The following GALNT13 variants were observed in gnomAD, a reference collection of about 807,000 sequenced individuals.
The protein encoded by GALNT13 is polypeptide N-acetylgalactosaminyltransferase 13.
GALNT13 carries 28 observed loss-of-function variants against 64.2 expected under a neutral mutation model. The ratio of observed to expected loss-of-function variants is 0.44; its 90% CI spans 0.32 to 0.60. The LOEUF (loss-of-function observed/expected upper bound fraction) is 0.60, where lower values mean the gene tolerates loss of function less well. Ranked by LOEUF, GALNT13 falls within the 20% of genes least tolerant of loss-of-function variation. The pLI is 0.05. For missense variants in GALNT13, 577 were observed against 669.8 expected (o/e 0.86, Z 1.53); for synonymous variants, 214 against 224.6 (o/e 0.95, Z 0.42).
chr2:153,955,296 C>G (rs1365813078), intron 3 of GALNT13, among the ~76,000 whole-genome samples: 1 of 152,006 alleles, frequency 6.6e-6, no homozygotes, highest in Non-Finnish European at 1.5e-5. Flanking sequence ...TAATAAATTA[C>G]AAAACAGAAA....
At chr2:154,381,362 G>A (rs1270800299) in intron 9 of GALNT13, among the ~76,000 whole-genome samples, 1 of 151,990 alleles carries the variant, frequency 6.6e-6, no homozygotes, top group Admixed American at 6.6e-5. Context: ...TTTCCTCAGA[G>A]AAGACTTCCC....
the GALNT13 span, among the ~76,000 whole-genome samples, chr2:153,164,530 A>G: frequency 6.6e-6 from 1 of 152,176 alleles, no homozygotes; most frequent in Non-Finnish European, 1.5e-5. Context: ...AAAAATTTTC[A>G]TGTTTAATGT....
the GALNT13 span, among the ~76,000 whole-genome samples, chr2:153,716,088 T>C: frequency 6.6e-6 from 1 of 152,156 alleles, no homozygotes; most frequent in African/African-American, 2.4e-5. Flanking sequence ...AAACCTTGCT[T>C]GTCTGAGTAT....
chr2:153,181,923 T>C, the GALNT13 span, among the ~76,000 whole-genome samples: 1 of 148,916 alleles, frequency 6.7e-6, no homozygotes, highest in East Asian at 1.9e-4. Context: ...TATAAAGCAA[T>C]CAAAACAATA....
chr2:153,863,098 C>T, the GALNT13 span, among the ~76,000 whole-genome samples: 1 of 152,166 alleles, frequency 6.6e-6, no homozygotes, highest in African/African-American at 2.4e-5. Flanking sequence ...CCACTTAATA[C>T]CTTCTACTTC....
chr2:153,188,039 TAATAA>T, the GALNT13 span, among the ~76,000 whole-genome samples: 2 of 151,994 alleles, frequency 1.3e-5, no homozygotes, highest in Non-Finnish European at 2.9e-5. Flanking sequence ...ACCAAAATGG[TAATAA>T]AATAAAACTT....
the GALNT13 span, among the ~76,000 whole-genome samples, chr2:153,603,469 T>G: frequency 6.6e-6 from 1 of 151,920 alleles, no homozygotes; most frequent in Non-Finnish European, 1.5e-5. Context: ...TATCATTTGG[T>G]TTGGAAACAA....
chr2:153,946,232 T>C (rs1367196794), intron 3 of GALNT13, among the ~76,000 whole-genome samples: 1 of 152,124 alleles, frequency 6.6e-6, no homozygotes, highest in Admixed American at 6.6e-5. Context: ...ACAAAAAATG[T>C]AATAATCTGA....
intron 10 of GALNT13, among the ~76,000 whole-genome samples, chr2:154,400,325 A>G (rs1353907607): frequency 2.0e-5 from 3 of 152,192 alleles, no homozygotes; most frequent in Non-Finnish European, 4.4e-5. Context: ...ATTTCTTTGC[A>G]GTATATTCAT....
At chr2:154,107,130 C>CTGAT (rs1702663125) in intron 3 of GALNT13, among the ~76,000 whole-genome samples, 1 of 152,184 alleles carries the variant, frequency 6.6e-6, no homozygotes, top group South Asian at 2.1e-4. Flanking sequence ...CAGCCTAAGG[C>CTGAT]ATCACCATAA....
the GALNT13 span, among the ~76,000 whole-genome samples, chr2:153,650,659 G>T: frequency 6.6e-6 from 1 of 152,052 alleles, no homozygotes; most frequent in Non-Finnish European, 1.5e-5. Context: ...GGGCAGGCCT[G>T]GTGGTGACAA....
At chr2:153,851,469 G>A in the GALNT13 span, among the ~76,000 whole-genome samples, 1 of 151,954 alleles carries the variant, frequency 6.6e-6, no homozygotes, top group Non-Finnish European at 1.5e-5. Context: ...GGGAGGCTAA[G>A]GTTGAAGGAT....
At chr2:153,717,966 T>A in the GALNT13 span, among the ~76,000 whole-genome samples, 1 of 152,102 alleles carries the variant, frequency 6.6e-6, no homozygotes, top group Non-Finnish European at 1.5e-5. Flanking sequence ...AATTAGTTTT[T>A]TTTTTTATTC....
chr2:154,006,081 T>G (rs1360063368), intron 3 of GALNT13, among the ~76,000 whole-genome samples: 3 of 152,212 alleles, frequency 2.0e-5, no homozygotes, highest in Non-Finnish European at 4.4e-5. Flanking sequence ...TAAAGAGAAC[T>G]TCTAGGGTGC....
Position 153,931,078 on chromosome 2 carries a change from TG to T in GALNT13, c.-104-13315del. Among the ~76,000 whole-genome samples, 2 of 150,084 alleles carry T rather than the reference TG, an allele frequency of 1.3e-5. 1 individual carries two copies. Among genetic ancestry groups the T allele is most frequent in the South Asian group, 4.2e-4 (2 of 4,758 alleles). Reference sequence around the variant, plus strand: ...TGCTGTATTCCTAAGTGTGTGTGTGTGTGTGTGTGTGTGTGTGTGTGTGTGT... The same window carrying T: ...TGCTGTATTCCTAAGTGTGTGTGTGTTGTGTGTGTGTGTGTGTGTGTGTGT... On this transcript the variant is annotated intron_variant, in intron 2 of 12. Coordinates refer to ENST00000392825, the MANE Select transcript of GALNT13 (RefSeq NM_052917.4).
chr2:153,999,669 C>T (rs578070221), intron 3 of GALNT13, among the ~76,000 whole-genome samples: 1 of 152,180 alleles, frequency 6.6e-6, no homozygotes, highest in South Asian at 2.1e-4. Context: ...ATGAATCCCA[C>T]TTAATCGTGG....
At chr2:153,946,183 C>G (rs530572676) in intron 3 of GALNT13, among the ~76,000 whole-genome samples, 11 of 152,088 alleles carry the variant, frequency 7.2e-5, no homozygotes, top group Non-Finnish European at 1.5e-4. Flanking sequence ...AATGATCACT[C>G]TGTCATTTGT....
the GALNT13 span, among the ~76,000 whole-genome samples, chr2:153,482,430 G>T: frequency 3.3e-5 from 5 of 152,134 alleles, no homozygotes; most frequent in African/African-American, 7.2e-5. Flanking sequence ...CAATCCTGTT[G>T]TCTTTACTTA....
chr2:154,301,479 C>T lies in GALNT13; in HGVS notation c.1046C>T (p.Thr349Ile). The T allele has an allele frequency of 6.2e-7, 1 of 1,613,832 alleles. No homozygotes were observed. Among genetic ancestry groups the T allele is most frequent in the Non-Finnish European group, 8.5e-7 (1 of 1,179,786 alleles). Residue 349 changes from threonine to isoleucine, a missense_variant, in exon 9 of 13, where the codon ACT becomes ATT. Thr to Ile is a moderately conservative substitution (Grantham distance 89). Transcript: ENST00000392825. ...SHVGHVFRKA[T>I]PYTFPGGTGH... Reference sequence around the variant, plus strand: ...GTTGGTCATGTTTTTCGGAAGGCAACTCCATACACTTTTCCTGGTGGCACT... The same window carrying T: ...GTTGGTCATGTTTTTCGGAAGGCAATTCCATACACTTTTCCTGGTGGCACT...
Sources: gnomAD v4.1 joint callset for allele counts (sites outside exome capture counted in the v4.1 genomes callset) on GRCh38, gnomAD v4.1.1 for gene constraint, MANE v1.5 for transcripts, NCBI Gene and HGNC (gene_info 2026-07-23, HGNC 2026-07-21) for gene names.